The following UQCRC2 variants were observed in gnomAD, a reference collection of about 807,000 sequenced individuals.
The protein encoded by UQCRC2 is ubiquinol-cytochrome c reductase core protein 2.
In UQCRC2, 49 loss-of-function variants were observed where a neutral mutation model predicts 55.6. The observed-to-expected ratio is 0.88, with a 90% CI of 0.70 to 1.12. UQCRC2 has a LOEUF of 1.12. UQCRC2 is among the 50% of genes most tolerant of loss of function. The pLI is 0.00. For missense variants in UQCRC2, 506 were observed against 547.8 expected, an observed-to-expected ratio of 0.92 and a Z score of 0.76; for synonymous variants, 193 against 192.0, an observed-to-expected ratio of 1.01 and a Z score of -0.04.
chr16:21,967,389 A>G (rs1898352260), intron 7 of UQCRC2, among the ~76,000 whole-genome samples: 1 of 151,748 alleles, frequency 6.6e-6, no homozygotes, highest in South Asian at 2.1e-4. Context: ...AATACCACAG[A>G]TAGAGTTTAT....
intron 1 of UQCRC2, among the ~76,000 whole-genome samples, chr16:21,955,489 C>T (rs190875202): frequency 6.6e-6 from 1 of 152,306 alleles, no homozygotes. Flanking sequence ...CTCATCATCT[C>T]CTCTAATAAC....
chr16:21,982,263 T>C (rs1005664374), intron 13 of UQCRC2, among the ~76,000 whole-genome samples: 4 of 152,118 alleles, frequency 2.6e-5, no homozygotes, highest in Non-Finnish European at 5.9e-5. Context: ...TGACAGAATA[T>C]GGGGGCTGCT....
chr16:21,958,514 A>G (rs780616816), intron 3 of UQCRC2, 21 bp from the exon 4 acceptor site: 5 of 1,610,098 alleles, frequency 3.1e-6, no homozygotes, highest in Non-Finnish European at 4.2e-6. Flanking sequence ...CTACAAAGAT[A>G]ATCATTCTTT....
intron 4 of UQCRC2, among the ~76,000 whole-genome samples, chr16:21,961,626 T>TTTTA (rs1346186243): frequency 1.6e-5 from 1 of 64,476 alleles, no homozygotes; most frequent in Non-Finnish European, 4.3e-5. Flanking sequence ...AACATAAAAT[T>TTTTA]TATATATATA....
At chr16:21,955,918 C>T (rs553962920) in intron 1 of UQCRC2, among the ~76,000 whole-genome samples, 4 of 152,198 alleles carry the variant, frequency 2.6e-5, no homozygotes, top group South Asian at 2.1e-4. Flanking sequence ...CTCCGCCTCC[C>T]GGATTCAAGT....
chr16:21,968,616 T>G lies in UQCRC2; in HGVS notation c.613-12T>G, dbSNP rs763749530. On this transcript the variant is annotated splice_polypyrimidine_tract_variant and intron_variant, in intron 7 of 13. Coordinates refer to ENST00000268379, the MANE Select transcript of UQCRC2 (RefSeq NM_003366.4). ...GCTAATATAACCTAATAAGTGTTTT[T>G]AACTTCCTCAGTTACATTACTTCGT... The G allele has an allele frequency of 6.3e-6, 10 of 1,599,318 alleles. No individual in the cohort carries two copies. Among genetic ancestry groups the G allele is most frequent in the Non-Finnish European group, 8.5e-6 (10 of 1,174,206 alleles).
chr16:21,963,626 G>C (rs1033406229), intron 6 of UQCRC2, among the ~76,000 whole-genome samples: 5 of 151,878 alleles, frequency 3.3e-5, no homozygotes, highest in African/African-American at 1.2e-4. Flanking sequence ...ACCGCACCCT[G>C]CTAATTTTTA....
At position 21,978,713 on chromosome 16, in the gene UQCRC2, C is replaced by T. The variant is rs1482348607; in HGVS notation, c.1125-1834C>T. ...TCCAAATAGTAACGTAAACGGTTCA[C>T]GTACTTGGTGAACTGAAGAAATAGA... On this transcript the variant is annotated intron_variant, in intron 12 of 13. Coordinates refer to ENST00000268379, the MANE Select transcript of UQCRC2 (RefSeq NM_003366.4). Among the ~76,000 whole-genome samples the T allele has an allele frequency of 2.0e-5, 3 of 152,266 alleles. No individual in the cohort carries two copies. In the South Asian group the frequency reaches 6.2e-4, roughly 32 times the overall value.
At chr16:21,971,880 A>C (rs545102791) in intron 9 of UQCRC2, 43 bp from the exon 10 acceptor site, 1 of 1,609,404 alleles carries the variant, frequency 6.2e-7, no homozygotes, top group South Asian at 1.1e-5. Context: ...CCAATGGTGA[A>C]CAAGCCATTT....
At chr16:21,974,831 C>G (rs1186093087) in intron 11 of UQCRC2, among the ~76,000 whole-genome samples, 2 of 152,168 alleles carry the variant, frequency 1.3e-5, no homozygotes. Context: ...ACCTTTTAGC[C>G]TTACAGACAG....
chr16:21,976,263 GT>G lies in UQCRC2; in HGVS notation c.1124+21del. Reference sequence around the variant, plus strand: ...TGCCAAGTAAGTCTCAGTATTAACTGTGTTTTATGTTTTTGTTATTTGAAAG... The same window carrying G: ...TGCCAAGTAAGTCTCAGTATTAACTGGTTTTATGTTTTTGTTATTTGAAAG... On this transcript the variant is annotated intron_variant, in intron 12 of 13. Transcript: ENST00000268379. 1 of 1,582,834 alleles carries G rather than the reference GT, an allele frequency of 6.3e-7. No homozygotes were observed. The highest frequency in any genetic ancestry group is 8.7e-7 in the Non-Finnish European group (1 of 1,152,242).
chr16:21,976,136 A>G (rs1898579142), intron 11 of UQCRC2, 31 bp from the exon 12 acceptor site: 1 of 1,567,196 alleles, frequency 6.4e-7, no homozygotes, highest in South Asian at 1.1e-5. Flanking sequence ...GGTACTGACC[A>G]CAGATGACCA....
intron 11 of UQCRC2, among the ~76,000 whole-genome samples, chr16:21,974,212 A>G (rs1898529720): frequency 6.6e-6 from 1 of 152,190 alleles, no homozygotes; most frequent in South Asian, 2.1e-4. Context: ...CTGGTTGGAC[A>G]AGTTGCATTG....
intron 6 of UQCRC2, 108 bp downstream of exon 6, chr16:21,962,993 T>G (rs1898242327): frequency 3.0e-6 from 4 of 1,344,058 alleles, no homozygotes; most frequent in Non-Finnish European, 3.9e-6. Flanking sequence ...TTATTTTTAT[T>G]TATTTATTGT....
chr16:21,962,339 T>C, intron 4 of UQCRC2, 121 bp from the exon 5 acceptor site: 1 of 1,172,970 alleles, frequency 8.5e-7, no homozygotes, highest in South Asian at 1.5e-5. Flanking sequence ...TGTTATATTA[T>C]TGTTCGCACC....
At chr16:21,979,519 T>G (rs1296405516) in intron 12 of UQCRC2, among the ~76,000 whole-genome samples, 4 of 152,180 alleles carry the variant, frequency 2.6e-5, no homozygotes, top group African/African-American at 9.7e-5. Flanking sequence ...TAGCATGTAC[T>G]ATAGTACTGA....
At chr16:21,964,457 C>T (rs980893760) in intron 6 of UQCRC2, among the ~76,000 whole-genome samples, 2 of 152,160 alleles carry the variant, frequency 1.3e-5, no homozygotes, top group East Asian at 1.9e-4. Context: ...ACAGCATATA[C>T]GTATATGGCC....
At chr16:21,974,779 C>T (rs1275549779) in intron 11 of UQCRC2, among the ~76,000 whole-genome samples, 2 of 152,126 alleles carry the variant, frequency 1.3e-5, no homozygotes, top group African/African-American at 4.8e-5. Context: ...ATAAATGGCT[C>T]AAGTCTGAGA....
Position 21,971,938 on chromosome 16 carries a change from A to G in UQCRC2, c.782A>G (p.Gln261Arg). ...CTGGCCCCAGGTGAAATCCGAGAACAGAATGGAGACAGTCTTGTCCATGCT... is the reference window on the plus strand; with the variant it reads ...CTGGCCCCAGGTGAAATCCGAGAACGGAATGGAGACAGTCTTGTCCATGCT... The part of the protein sequence containing the change: ...ANYRGGEIRE[Q>R]NGDSLVHAAF... Residue 261 changes from glutamine (Q) to arginine (R), a missense_variant, in exon 10 of 14, where the codon CAG becomes CGG. Coordinates refer to ENST00000268379, the MANE Select transcript of UQCRC2 (RefSeq NM_003366.4). 6.2e-7 allele frequency: 1 copy of G among 1,614,162 alleles called. No homozygotes were observed. The highest frequency in any genetic ancestry group is 8.5e-7 in the Non-Finnish European group (1 of 1,180,040).
Sources: allele counts gnomAD v4.1 joint callset (sites outside exome capture counted in the v4.1 genomes callset), GRCh38; gene constraint gnomAD v4.1.1; transcripts MANE v1.5; gene names NCBI Gene and HGNC (gene_info 2026-07-23, HGNC 2026-07-21).